Variants in KIF26B observed in about 807,000 individuals in gnomAD.
The protein encoded by KIF26B is kinesin family member 26B.
In KIF26B, 63 loss-of-function variants were observed where a neutral mutation model predicts 151.2. The ratio of observed to expected loss-of-function variants is 0.42; its 90% CI spans 0.34 to 0.51. The LOEUF is 0.51. Ranked by LOEUF, KIF26B falls within the 20% of genes least tolerant of loss-of-function variation. The probability of loss-of-function intolerance (pLI) is 0.07; values close to 1 mark genes in which losing one functional copy is unlikely to be tolerated. For missense variants in KIF26B, 2,813 were observed against 2,913.6 expected, an observed-to-expected ratio of 0.97 and a Z score of 0.79; for synonymous variants, 1,357 against 1,262.1, an observed-to-expected ratio of 1.08 and a Z score of -1.59.
chr1:245,341,514 A>G (rs1300286947), intron 2 of KIF26B, among the ~76,000 whole-genome samples: 2 of 151,548 alleles, frequency 1.3e-5, no homozygotes, highest in African/African-American at 4.8e-5. Flanking sequence ...TAGAGACAAG[A>G]TCTCACTAGG....
At chr1:245,634,558 CT>C (rs1197472655) in intron 9 of KIF26B, among the ~76,000 whole-genome samples, 2 of 152,126 alleles carry the variant, frequency 1.3e-5, no homozygotes, top group Non-Finnish European at 2.9e-5. Flanking sequence ...TTGGTAAATG[CT>C]TTTTCTGCAT....
intron 2 of KIF26B, among the ~76,000 whole-genome samples, chr1:245,260,257 A>G (rs1670609244): frequency 1.3e-5 from 2 of 152,178 alleles, no homozygotes; most frequent in Non-Finnish European, 2.9e-5. Context: ...GTGCTGGTTA[A>G]TCTGTAAGTA....
At chr1:245,522,846 G>A (rs1301685028) in intron 4 of KIF26B, among the ~76,000 whole-genome samples, 2 of 152,200 alleles carry the variant, frequency 1.3e-5, no homozygotes, top group African/African-American at 2.4e-5. Flanking sequence ...TACAGCAAAG[G>A]CATCCCTTTC....
intron 2 of KIF26B, among the ~76,000 whole-genome samples, chr1:245,254,070 A>C (rs1229520166): frequency 6.6e-6 from 1 of 152,078 alleles, no homozygotes; most frequent in East Asian, 1.9e-4. Flanking sequence ...TCGGCCTCCC[A>C]AAGTGCTGGG....
At chr1:245,174,868 AC>A (rs1052555718) in intron 2 of KIF26B, among the ~76,000 whole-genome samples, 4 of 152,212 alleles carry the variant, frequency 2.6e-5, no homozygotes, top group African/African-American at 9.6e-5. Flanking sequence ...AAATTTATTT[AC>A]CTTTTTGCAG....
intron 10 of KIF26B, among the ~76,000 whole-genome samples, chr1:245,664,816 A>G (rs1021616531): frequency 2.0e-5 from 3 of 152,098 alleles, no homozygotes; most frequent in East Asian, 1.9e-4. Flanking sequence ...TTTTCTTAAC[A>G]CTATTTTTTC....
chr1:245,224,950 A>T (rs1428151438), intron 2 of KIF26B, among the ~76,000 whole-genome samples: 1 of 152,240 alleles, frequency 6.6e-6, no homozygotes, highest in Non-Finnish European at 1.5e-5. Context: ...AAAGGCTATT[A>T]AAATAGTTCT....
In KIF26B at chr1:245,560,170, G is replaced by A. The variant is rs1473777604; in HGVS notation, c.1350+19220G>A. ...CCGTGAGTTGTGGATGAAAGGGGCT[G>A]TATCTTACTTGCCCCTTTTTGCATT... On this transcript the variant is annotated intron_variant, in intron 5 of 14. Coordinates refer to ENST00000407071, the MANE Select transcript of KIF26B (RefSeq NM_018012.4). This position sits in a 1 kb window ranked among gnomAD's most constrained non-coding sequence, Gnocchi z 4.3. 6.6e-6 allele frequency among the ~76,000 whole-genome samples: 1 copy of A among 152,124 alleles called. No homozygotes were observed. Among genetic ancestry groups the A allele is most frequent in the Non-Finnish European group, 1.5e-5 (1 of 68,018 alleles).
At chr1:245,174,137 A>G (rs1407432972) in intron 2 of KIF26B, among the ~76,000 whole-genome samples, 1 of 152,270 alleles carries the variant, frequency 6.6e-6, no homozygotes, top group African/African-American at 2.4e-5. Flanking sequence ...GGTGCTTGAC[A>G]GCAATATGCT....
chr1:245,627,494 G>C (rs2043736719), intron 9 of KIF26B, among the ~76,000 whole-genome samples: 2 of 152,090 alleles, frequency 1.3e-5, no homozygotes, highest in Non-Finnish European at 2.9e-5. Flanking sequence ...CAGTGTTAGA[G>C]GGAAATTTAT....
intron 5 of KIF26B, among the ~76,000 whole-genome samples, chr1:245,558,069 T>A (rs1470656027): frequency 6.6e-6 from 1 of 152,180 alleles, no homozygotes; most frequent in African/African-American, 2.4e-5. Flanking sequence ...GGTGATCAAC[T>A]ACAGCCTCGT....
chr1:245,309,760 A>G (rs1671629751), intron 2 of KIF26B, among the ~76,000 whole-genome samples: 1 of 147,576 alleles, frequency 6.8e-6, no homozygotes, highest in Admixed American at 6.8e-5. Context: ...TTCTCCAGAG[A>G]ACTCTGGCGA....
intron 2 of KIF26B, among the ~76,000 whole-genome samples, chr1:245,262,946 T>C (rs1029915025): frequency 1.3e-5 from 2 of 152,242 alleles, no homozygotes; most frequent in Non-Finnish European, 2.9e-5. Context: ...TTAGTTCATA[T>C]GTGTGTATGT....
intron 2 of KIF26B, among the ~76,000 whole-genome samples, chr1:245,309,646 T>C (rs1052770997): frequency 6.7e-6 from 1 of 148,304 alleles, no homozygotes; most frequent in Non-Finnish European, 1.5e-5. Context: ...TCATTATATA[T>C]ATAATATATA....
At chr1:245,388,012 C>T (rs1447560443) in intron 3 of KIF26B, among the ~76,000 whole-genome samples, 1 of 152,186 alleles carries the variant, frequency 6.6e-6, no homozygotes, top group African/African-American at 2.4e-5. Flanking sequence ...TGGTTCCAGC[C>T]TTCCCCTTAG....
chr1:245,242,646 T>TTATG, intron 2 of KIF26B, among the ~76,000 whole-genome samples: 1 of 151,208 alleles, frequency 6.6e-6, no homozygotes, highest in African/African-American at 2.4e-5. Context: ...ATATGTGGTT[T>TTATG]TTTGTTTGTT....
At chr1:245,293,055 A>G (rs923242501) in intron 2 of KIF26B, among the ~76,000 whole-genome samples, 6 of 152,224 alleles carry the variant, frequency 3.9e-5, no homozygotes, top group African/African-American at 1.4e-4. Flanking sequence ...CCACAAAGAT[A>G]ATATAATAAA....
At chr1:245,652,145 T>TGTGAGA (rs368258830) in intron 10 of KIF26B, among the ~76,000 whole-genome samples, 2 of 142,658 alleles carry the variant, frequency 1.4e-5, no homozygotes, top group African/African-American at 5.5e-5. Flanking sequence ...TGTGTGTGTG[T>TGTGAGA]GAGAGAGACA....
chr1:245,231,121 A>G (rs1044851202), intron 2 of KIF26B, among the ~76,000 whole-genome samples: 3 of 152,194 alleles, frequency 2.0e-5, no homozygotes, highest in African/African-American at 7.2e-5. Context: ...AGAGAGGTGA[A>G]AAGAATCAGA....
Sources: allele counts gnomAD v4.1 joint callset (sites outside exome capture counted in the v4.1 genomes callset), GRCh38; gene constraint gnomAD v4.1.1; non-coding constraint Gnocchi (gnomAD v3.1); transcripts MANE v1.5; gene names NCBI Gene and HGNC (gene_info 2026-07-23, HGNC 2026-07-21).